INTS8: variants seen among roughly 807,000 people sequenced by gnomAD.
The protein encoded by INTS8 is integrator complex subunit 8, also known as protein kaonashi-1.
A neutral mutation model predicts 138.9 loss-of-function variants in INTS8; 47 were observed. The ratio of observed to expected loss-of-function variants is 0.34; its 90% CI spans 0.27 to 0.43. The LOEUF (loss-of-function observed/expected upper bound fraction) is 0.43, where lower values mean the gene tolerates loss of function less well. INTS8 is among the 20% of genes least tolerant of loss of function. INTS8 has a pLI of 1.00. For missense variants in INTS8, 996 were observed against 1,173.0 expected (o/e 0.85, Z 2.20); for synonymous variants, 392 against 400.9 (o/e 0.98, Z 0.27).
chr8:94,876,817 T>C (rs905643725), intron 26 of INTS8, among the ~76,000 whole-genome samples: 8 of 152,318 alleles, frequency 5.3e-5, no homozygotes, highest in Middle Eastern at 6.8e-3. Context: ...TCCTCCTTGC[T>C]AATTTCTGCT....
intron 5 of INTS8, 109 bp from the exon 6 acceptor site, chr8:94,831,883 A>T (rs754846138): frequency 7.3e-5 from 55 of 758,000 alleles, no homozygotes; most frequent in South Asian, 3.5e-4. Context: ...TGTGTTAAAA[A>T]TTTTTTTAAT....
intron 16 of INTS8, among the ~76,000 whole-genome samples, chr8:94,864,009 A>T (rs1425958832): frequency 6.6e-6 from 1 of 152,216 alleles, no homozygotes; most frequent in Admixed American, 6.5e-5. Flanking sequence ...AGTTGTGGTT[A>T]TGGAGAAGAA....
intron 10 of INTS8, among the ~76,000 whole-genome samples, chr8:94,844,813 T>C (rs1215631153): frequency 1.3e-5 from 2 of 151,360 alleles, no homozygotes; most frequent in East Asian, 3.9e-4. Context: ...AGTGCAGTGC[T>C]GTGATCTCAG....
At chr8:94,866,924 C>G in intron 18 of INTS8, 2 of 478,032 alleles carry the variant, frequency 4.2e-6, no homozygotes, top group Non-Finnish European at 7.5e-6. Context: ...AACATTTATG[C>G]TAATTTTATG....
At chr8:94,824,167 G>A (rs1315431422) in intron 1 of INTS8, among the ~76,000 whole-genome samples, 3 of 152,142 alleles carry the variant, frequency 2.0e-5, no homozygotes, top group Non-Finnish European at 2.9e-5. Flanking sequence ...GATGGGGGAG[G>A]AGGAAAACTC....
At chr8:94,827,055 A>G (rs966725789) in intron 2 of INTS8, among the ~76,000 whole-genome samples, 1 of 152,216 alleles carries the variant, frequency 6.6e-6, no homozygotes, top group African/African-American at 2.4e-5. Context: ...CAGTGAGCCA[A>G]GATTGTGCCA....
intron 5 of INTS8, among the ~76,000 whole-genome samples, chr8:94,829,614 CATTT>C (rs1338995250): frequency 6.6e-6 from 1 of 152,108 alleles, no homozygotes; most frequent in Admixed American, 6.6e-5. Flanking sequence ...GCCTTTATAC[CATTT>C]ATAGATGTGT....
chr8:94,852,883 T>A (rs1022131277), intron 13 of INTS8, among the ~76,000 whole-genome samples: 1 of 152,122 alleles, frequency 6.6e-6, no homozygotes. Context: ...GCTGGGATTA[T>A]AGGCATGAGC....
At chr8:94,828,842 A>G (rs1320612551) in intron 4 of INTS8, 133 bp from the exon 5 acceptor site, 4 of 647,460 alleles carry the variant, frequency 6.2e-6, no homozygotes, top group African/African-American at 1.9e-5. Flanking sequence ...TGTTTTTTCA[A>G]ACATGAAAAT....
At chr8:94,864,537 G>A (rs1367136924) in intron 16 of INTS8, among the ~76,000 whole-genome samples, 1 of 152,006 alleles carries the variant, frequency 6.6e-6, no homozygotes, top group African/African-American at 2.4e-5. Flanking sequence ...GTGAAACCCC[G>A]TCTCTACTAA....
chr8:94,867,027 A>G, intron 18 of INTS8, 113 bp from the exon 19 acceptor site: 2 of 836,990 alleles, frequency 2.4e-6, no homozygotes, highest in Non-Finnish European at 3.7e-6. Flanking sequence ...CAGATGCTAC[A>G]TTTTCAAAAG....
intron 1 of INTS8, among the ~76,000 whole-genome samples, chr8:94,824,681 C>T (rs1334808918): frequency 6.6e-6 from 1 of 150,996 alleles, no homozygotes; most frequent in Non-Finnish European, 1.5e-5. Context: ...CACTCTTCCG[C>T]ATCTCCTTTA....
chr8:94,834,140 C>G (rs1814830081), intron 6 of INTS8, among the ~76,000 whole-genome samples: 1 of 152,074 alleles, frequency 6.6e-6, no homozygotes, highest in Non-Finnish European at 1.5e-5. Flanking sequence ...TTTTTTTCCC[C>G]CAATAAAACC....
chr8:94,848,013 C>CTTTTTTTTTTT lies in INTS8; in HGVS notation c.1261-1446_1261-1436dup, dbSNP rs58388097. On this transcript the variant is annotated intron_variant, in intron 10 of 26. Coordinates refer to ENST00000523731, the MANE Select transcript of INTS8 (RefSeq NM_017864.4). Reference sequence around the variant, plus strand: ...TGAACATAGCACTTTTAAAACACTGCTTTTTTTTTTTTTGAGATGGAGTCT... The same window carrying CTTTTTTTTTTT: ...TGAACATAGCACTTTTAAAACACTGCTTTTTTTTTTTTTTTTTTTTTTTTGAGATGGAGTCT... Among the ~76,000 whole-genome samples, 4 of 130,010 alleles carry CTTTTTTTTTTT rather than the reference C, an allele frequency of 3.1e-5. 1 individual carries two copies. The highest frequency in any genetic ancestry group is 6.6e-5 in the Non-Finnish European group (4 of 60,440). 85.3% of individuals were successfully genotyped at this position (130,010 alleles called of 152,430 possible).
At position 94,838,594 on chromosome 8, in the gene INTS8, T is replaced by G; in HGVS notation, c.993T>G (p.Ile331Met). The G allele has an allele frequency of 6.2e-7, 1 of 1,613,254 alleles. No individual in the cohort carries two copies. Among genetic ancestry groups the G allele is most frequent in the South Asian group, 1.1e-5 (1 of 91,020 alleles). The change falls in exon 8 of 27, where the codon ATT (isoleucine) becomes ATG (methionine). Residue 331 changes from isoleucine to methionine, a missense_variant. Physicochemically the swap from Ile to Met is conservative, Grantham distance 10. Transcript: ENST00000523731. Reference protein sequence around the residue: ...QQLTPYSQVHICLRSGNYQEV... With the variant: ...QQLTPYSQVHMCLRSGNYQEV... ...TGACTCCATATAGTCAAGTCCATAT[T>G]TGTTTGAGATCTGGCAACTATCAGG...
At chr8:94,832,461 T>C (rs1814758389) in intron 6 of INTS8, among the ~76,000 whole-genome samples, 1 of 152,168 alleles carries the variant, frequency 6.6e-6, no homozygotes, top group African/African-American at 2.4e-5. Flanking sequence ...TACAGTTCTT[T>C]CATATTATCA....
chr8:94,865,063 GGA>G (rs577192929), intron 16 of INTS8, among the ~76,000 whole-genome samples: 89 of 151,786 alleles, frequency 5.9e-4, no homozygotes, highest in African/African-American at 1.5e-3. Context: ...TTTGCACGTG[GGA>G]GAGAGAGAGA....
intron 5 of INTS8, 100 bp downstream of exon 5, chr8:94,829,126 A>T (rs553950489): frequency 1.2e-6 from 1 of 814,616 alleles, no homozygotes; most frequent in Non-Finnish European, 2.0e-6. Context: ...GTGGAAGGCA[A>T]TTTCCAGGAA....
intron 14 of INTS8, among the ~76,000 whole-genome samples, chr8:94,855,143 A>G (rs1024742454): frequency 2.0e-5 from 3 of 152,158 alleles, no homozygotes; most frequent in African/African-American, 7.2e-5. Context: ...TAAGCCCTCA[A>G]AGTAATTCTG....
Sources: gnomAD v4.1 joint callset for allele counts (sites outside exome capture counted in the v4.1 genomes callset) on GRCh38, gnomAD v4.1.1 for gene constraint, MANE v1.5 for transcripts, NCBI Gene and HGNC (gene_info 2026-07-23, HGNC 2026-07-21) for gene names.